The following EHBP1 variants were observed in gnomAD, a reference collection of about 807,000 sequenced individuals.
EHBP1 encodes the protein EH domain-binding protein 1.
A neutral mutation model predicts 144.0 loss-of-function variants in EHBP1; 55 were observed. That is an observed-to-expected ratio of 0.38 (90% CI 0.31 to 0.48). The LOEUF (loss-of-function observed/expected upper bound fraction) is 0.48, where lower values mean the gene tolerates loss of function less well. Among genes scored for constraint, EHBP1 ranks in the 20% least tolerant of loss-of-function variants. EHBP1 has a pLI of 0.98. For synonymous variants in EHBP1, 469 were observed against 472.7 expected, an observed-to-expected ratio of 0.99 and a Z score of 0.10; for missense variants, 1,200 against 1,364.2, an observed-to-expected ratio of 0.88 and a Z score of 1.90.
chr2:62,684,264 C>T (rs576930070), intron 1 of EHBP1, among the ~76,000 whole-genome samples: 3 of 149,654 alleles, frequency 2.0e-5, no homozygotes, highest in African/African-American at 4.9e-5. Context: ...AAAAGAGATG[C>T]GACAATAAGT....
At chr2:62,725,503 T>C (rs2036680560) in intron 2 of EHBP1, among the ~76,000 whole-genome samples, 1 of 152,224 alleles carries the variant, frequency 6.6e-6, no homozygotes, top group African/African-American at 2.4e-5. Flanking sequence ...CACAAGTCTG[T>C]GTGCACTGTG....
chr2:62,681,138 C>T (rs990866819), intron 1 of EHBP1, among the ~76,000 whole-genome samples: 4 of 150,886 alleles, frequency 2.7e-5, no homozygotes, highest in African/African-American at 9.8e-5. Flanking sequence ...CATGGTGAAA[C>T]CCCGTCTCTA....
intron 14 of EHBP1, among the ~76,000 whole-genome samples, chr2:62,962,781 G>A (rs180772635): frequency 2.0e-5 from 3 of 152,288 alleles, no homozygotes; most frequent in Admixed American, 2.0e-4. Context: ...TTTTGTTTAA[G>A]CAGTAATTAC....
intron 5 of EHBP1, among the ~76,000 whole-genome samples, chr2:62,775,392 A>G (rs781582906): frequency 1.3e-5 from 2 of 152,218 alleles, no homozygotes; most frequent in Non-Finnish European, 2.9e-5. Context: ...CAAAGAGCTA[A>G]AGTTCTTCTC....
rs1226118176 is a variant in EHBP1, at chr2:63,045,701, GA to G, written c.*202del. The G allele has an allele frequency of 1.9e-6, 1 of 530,262 alleles. No individual in the cohort carries two copies. Among genetic ancestry groups the G allele is most frequent in the East Asian group, 3.2e-5 (1 of 30,890 alleles). 32.8% of individuals were successfully genotyped at this position (530,262 alleles called of 1,614,324 possible). On this transcript the variant is annotated 3_prime_UTR_variant, in exon 23 of 23. Transcript: ENST00000431489. This position sits in a 1 kb window ranked among gnomAD's most constrained non-coding sequence, Gnocchi z 5.7. ...GAACTCCAAAATAGCTTCATTTAAG[GA>G]TTTTTTTGTGAGTTAACAATTTCCT... is the stretch of plus-strand genomic sequence containing the variant.
intron 19 of EHBP1, among the ~76,000 whole-genome samples, chr2:63,035,959 TTTGTTCAGACTC>T (rs2061426423): frequency 6.6e-6 from 1 of 152,032 alleles, no homozygotes; most frequent in Admixed American, 6.6e-5. Flanking sequence ...AATAAAGACT[TTTGTTCAGACTC>T]TAAAAGAATC....
At chr2:63,010,415 C>G (rs1359248857) in intron 19 of EHBP1, among the ~76,000 whole-genome samples, 1 of 151,330 alleles carries the variant, frequency 6.6e-6, no homozygotes, top group East Asian at 1.9e-4. Context: ...GAGAAACCAT[C>G]TAGATTTTTA....
At chr2:62,718,556 A>G (rs184163927) in intron 2 of EHBP1, among the ~76,000 whole-genome samples, 29 of 152,290 alleles carry the variant, frequency 1.9e-4, no homozygotes, top group Non-Finnish European at 3.2e-4. Context: ...GGAGATTTCC[A>G]TATCCCCTAG....
chr2:62,861,481 C>A (rs927104179), intron 8 of EHBP1, among the ~76,000 whole-genome samples: 7 of 150,628 alleles, frequency 4.6e-5, no homozygotes, highest in African/African-American at 2.4e-5. Context: ...CGGTGGTTCA[C>A]GCCTGTAATC....
chr2:62,789,471 A>G (rs1395075111), intron 5 of EHBP1, among the ~76,000 whole-genome samples: 2 of 151,664 alleles, frequency 1.3e-5, no homozygotes, highest in Non-Finnish European at 2.9e-5. Flanking sequence ...CAAAAGGCCT[A>G]CTCCCTGCTT....
In EHBP1 at chr2:62,948,952, A is replaced by G. The variant is rs1558965372; in HGVS notation, c.2106A>G (p.Leu702=). The G allele has an allele frequency of 6.2e-7, 1 of 1,614,072 alleles. No homozygotes were observed. The highest frequency in any genetic ancestry group is 8.5e-7 in the Non-Finnish European group (1 of 1,179,964). ...DIGSNLEKEK[L]ENSRSLECRS... ...GTAGTAACTTGGAGAAAGAAAAATT[A>G]GAGAATTCCAGATCCTTAGAATGCA... The change falls in exon 13 of 23, where the codon TTA becomes TTG. Residue 702 remains leucine, a synonymous_variant. Coordinates refer to ENST00000431489, the MANE Select transcript of EHBP1 (RefSeq NM_001142616.3).
At chr2:62,788,733 C>A (rs139815105) in intron 5 of EHBP1, among the ~76,000 whole-genome samples, 3 of 152,266 alleles carry the variant, frequency 2.0e-5, no homozygotes, top group African/African-American at 7.2e-5. Flanking sequence ...TGCCAATAAG[C>A]TTGATCTTTA....
At chr2:62,860,884 G>A (rs1406453440) in intron 8 of EHBP1, among the ~76,000 whole-genome samples, 1 of 152,046 alleles carries the variant, frequency 6.6e-6, no homozygotes, top group Non-Finnish European at 1.5e-5. Context: ...TACCTGTAGA[G>A]CCAAACAAGT....
At chr2:62,685,243 C>A (rs957440031) in intron 1 of EHBP1, among the ~76,000 whole-genome samples, 2 of 152,066 alleles carry the variant, frequency 1.3e-5, no homozygotes, top group Non-Finnish European at 2.9e-5. Flanking sequence ...TTTAATCATT[C>A]CACATTGTAT....
intron 1 of EHBP1, among the ~76,000 whole-genome samples, chr2:62,684,217 G>A (rs2033639106): frequency 6.6e-6 from 1 of 151,978 alleles, no homozygotes; most frequent in South Asian, 2.1e-4. Context: ...GCCAAGCAAT[G>A]GTCCTGGAAA....
At position 62,965,846 on chromosome 2, in the gene EHBP1, A is replaced by G. The variant is rs556437836; in HGVS notation, c.2460+10186A>G. On this transcript the variant is annotated intron_variant, in intron 14 of 22. Transcript: ENST00000431489. ...TAGTACCAAATGATTTGTCAGTACA[A>G]ATTGATATTCTGATTTTTTGCTTTT... Among the ~76,000 whole-genome samples the G allele has an allele frequency of 2.1e-3, 326 of 152,304 alleles. 1 individual carries two copies. Among genetic ancestry groups the G allele is most frequent in the Middle Eastern group, 0.01 (3 of 294 alleles).
intron 5 of EHBP1, among the ~76,000 whole-genome samples, chr2:62,784,260 T>G (rs2042652558): frequency 6.6e-6 from 1 of 152,314 alleles, no homozygotes; most frequent in South Asian, 2.1e-4. Context: ...AAAATCACAT[T>G]TTTTCTTTTC....
chr2:62,774,387 A>C (rs1326820012), intron 5 of EHBP1, among the ~76,000 whole-genome samples: 1 of 151,920 alleles, frequency 6.6e-6, no homozygotes, highest in African/African-American at 2.4e-5. Flanking sequence ...AAAAAAAAAA[A>C]AAAGAGAGAA....
chr2:62,872,737 T>C (rs1273313536), intron 9 of EHBP1, among the ~76,000 whole-genome samples: 1 of 152,174 alleles, frequency 6.6e-6, no homozygotes, highest in East Asian at 1.9e-4. Flanking sequence ...TCATACCTAT[T>C]AACATTTAGT....
Sources: gnomAD v4.1 joint callset for allele counts (sites outside exome capture counted in the v4.1 genomes callset) on GRCh38, gnomAD v4.1.1 for gene constraint, Gnocchi (gnomAD v3.1) non-coding constraint, MANE v1.5 for transcripts, NCBI Gene and HGNC (gene_info 2026-07-23, HGNC 2026-07-21) for gene names.